Variants in GAREM1 observed in about 807,000 individuals in gnomAD.
The protein encoded by GAREM1 is GRB2 associated regulator of MAPK1 subtype 1, also known as GRB2-associated and regulator of MAPK protein 1.
Under a neutral mutation model 71.3 loss-of-function variants are expected in GAREM1, and 26 were observed. That is an observed-to-expected ratio of 0.36 (90% CI 0.27 to 0.51). GAREM1 has a LOEUF of 0.51. Among genes scored for constraint, GAREM1 ranks in the 20% least tolerant of loss-of-function variants. The pLI, the probability that GAREM1 is intolerant of heterozygous loss-of-function variation, is 0.95. For synonymous variants in GAREM1, 440 were observed against 433.2 expected, an observed-to-expected ratio of 1.02 and a Z score of -0.20; for missense variants, 1,026 against 1,103.1, an observed-to-expected ratio of 0.93 and a Z score of 0.99.
intron 2 of GAREM1, among the ~76,000 whole-genome samples, chr18:32,379,661 C>T (rs183303620): frequency 1.1e-3 from 162 of 151,288 alleles, no homozygotes; most frequent in African/African-American, 3.7e-3. Context: ...GCCAAGATCA[C>T]ACCACTGTAC....
chr18:32,269,416 C>G (rs1354689561), intron 5 of GAREM1, among the ~76,000 whole-genome samples: 2 of 152,118 alleles, frequency 1.3e-5, no homozygotes, highest in African/African-American at 2.4e-5. Context: ...GTTTTAAGAG[C>G]AACATGAAAC....
At chr18:32,419,180 T>C (rs148345587) in intron 1 of GAREM1, among the ~76,000 whole-genome samples, 1 of 152,198 alleles carries the variant, frequency 6.6e-6, no homozygotes, top group Non-Finnish European at 1.5e-5. Context: ...ACCTGTCTCA[T>C]GCTAAATCCC....
chr18:32,378,012 C>CTGTG (rs1157230204), intron 2 of GAREM1, among the ~76,000 whole-genome samples: 5,818 of 131,654 alleles, frequency 0.044, 159 homozygotes, highest in African/African-American at 0.066. Context: ...TACTATATAA[C>CTGTG]TGTGTGTGTG....
intron 1 of GAREM1, among the ~76,000 whole-genome samples, chr18:32,409,463 C>T (rs2048397532): frequency 6.6e-6 from 1 of 151,958 alleles, no homozygotes; most frequent in Admixed American, 6.6e-5. Context: ...TGTGAAATCC[C>T]AGCAAGAAAA....
intron 3 of GAREM1, 151 bp from the exon 4 acceptor site, chr18:32,288,354 A>G: frequency 1.7e-6 from 1 of 605,750 alleles, no homozygotes; most frequent in South Asian, 2.3e-5. Context: ...CTTTTATTAT[A>G]CTTACGTGAT....
intron 2 of GAREM1, 71 bp downstream of exon 2, chr18:32,392,824 T>TA (rs2048215505): frequency 6.6e-7 from 1 of 1,519,368 alleles, no homozygotes; most frequent in South Asian, 1.2e-5. Flanking sequence ...AGACAATTCT[T>TA]AGAGGAAAAG....
chr18:32,364,337 G>A (rs1182119274), intron 2 of GAREM1, among the ~76,000 whole-genome samples: 2 of 151,724 alleles, frequency 1.3e-5, no homozygotes, highest in Admixed American at 1.3e-4. Context: ...ACCCGGCCAA[G>A]GTTATAATTT....
chr18:32,330,584 G>C (rs1302409169), intron 2 of GAREM1, among the ~76,000 whole-genome samples: 1 of 150,978 alleles, frequency 6.6e-6, no homozygotes, highest in African/African-American at 2.4e-5. Flanking sequence ...AAAAACATGA[G>C]ACTTAAAACA....
At chr18:32,349,581 T>A (rs1354280768) in intron 2 of GAREM1, among the ~76,000 whole-genome samples, 1 of 152,148 alleles carries the variant, frequency 6.6e-6, no homozygotes, top group South Asian at 2.1e-4. Context: ...AAAGGAAATT[T>A]AAAAAATCAA....
chr18:32,301,598 A>G (rs1172778503), intron 3 of GAREM1, among the ~76,000 whole-genome samples: 1 of 152,206 alleles, frequency 6.6e-6, no homozygotes, highest in Non-Finnish European at 1.5e-5. Flanking sequence ...CACCAGCCTC[A>G]GCCAATCAGG....
chr18:32,349,022 ATCAT>A (rs1382122646), intron 2 of GAREM1, among the ~76,000 whole-genome samples: 3 of 152,214 alleles, frequency 2.0e-5, no homozygotes, highest in African/African-American at 7.2e-5. Flanking sequence ...ACTATCCAGA[ATCAT>A]TCAGTTATCC....
intron 2 of GAREM1, among the ~76,000 whole-genome samples, chr18:32,318,500 C>G (rs1234970028): frequency 2.0e-5 from 3 of 152,154 alleles, no homozygotes; most frequent in Non-Finnish European, 4.4e-5. Context: ...AAGAAGACAG[C>G]AACAATGCCG....
At chr18:32,327,532 T>C (rs1022577756) in intron 2 of GAREM1, among the ~76,000 whole-genome samples, 5 of 152,102 alleles carry the variant, frequency 3.3e-5, no homozygotes, top group Non-Finnish European at 5.9e-5. Flanking sequence ...CAAATAGAGA[T>C]TGCAATACCT....
In GAREM1 at chr18:32,346,098, A is replaced by C. The variant is rs113428552; in HGVS notation, c.263-35775T>G. ...ACAACATGTGTCTGAAAACTTCATA[A>C]TTTGGCTCCTTTGTGGTCTGTTTTT... On this transcript the variant is annotated intron_variant, in intron 2 of 5. Coordinates refer to ENST00000269209, the MANE Select transcript of GAREM1 (RefSeq NM_001242409.2). Among the ~76,000 whole-genome samples, 436 of 152,164 alleles carry C rather than the reference A, an allele frequency of 2.9e-3. 3 individuals are homozygous for C. Among genetic ancestry groups the C allele is most frequent in the African/African-American group, 9.9e-3 (412 of 41,524 alleles).
At chr18:32,412,848 C>T (rs940674549) in intron 1 of GAREM1, 1 of 729,608 alleles carries the variant, frequency 1.4e-6, no homozygotes, top group African/African-American at 1.8e-5. Flanking sequence ...TTTAATGCCA[C>T]CAACAAATAT....
intron 1 of GAREM1, among the ~76,000 whole-genome samples, chr18:32,451,073 C>CT (rs2144292551): frequency 6.6e-6 from 1 of 152,196 alleles, no homozygotes; most frequent in South Asian, 2.1e-4. Flanking sequence ...CCACTTGAGC[C>CT]TGGGAGGCTG....
chr18:32,265,471 T>C lies in GAREM1; in HGVS notation c.*2400A>G, dbSNP rs541626906. 6.6e-6 allele frequency: 1 copy of C among 152,266 alleles called. No homozygotes were observed. The highest frequency in any genetic ancestry group is 2.4e-5 in the African/African-American group (1 of 41,528). The allele number at this position is 152,266 out of a possible 1,614,324, so 9.4% of individuals were successfully genotyped here. A position where few individuals can be genotyped will look rare whatever the true frequency, so the allele number is the denominator to read the frequency against. On this transcript the variant is annotated 3_prime_UTR_variant, in exon 6 of 6. Transcript: ENST00000269209. ...TTTCTTACTCACACATACATACTCT[T>C]AGCAACTGAGATTTCAAATATAAAC...
intron 2 of GAREM1, among the ~76,000 whole-genome samples, chr18:32,360,010 G>A (rs529222428): frequency 7.9e-5 from 12 of 151,862 alleles, no homozygotes; most frequent in African/African-American, 1.7e-4. Flanking sequence ...CAAAATGATC[G>A]CCTCTATTCC....
chr18:32,325,208 C>T (rs183570506), intron 2 of GAREM1, among the ~76,000 whole-genome samples: 50 of 152,240 alleles, frequency 3.3e-4, no homozygotes, highest in Admixed American at 1.2e-3. Context: ...CCACCTGCCT[C>T]GGCCTCCCAA....
Sources: gnomAD v4.1 joint callset for allele counts (sites outside exome capture counted in the v4.1 genomes callset) on GRCh38, gnomAD v4.1.1 for gene constraint, MANE v1.5 for transcripts, NCBI Gene and HGNC (gene_info 2026-07-23, HGNC 2026-07-21) for gene names.